Variants in COL23A1 observed in about 807,000 individuals in gnomAD.
The protein encoded by COL23A1 is collagen alpha-1(XXIII) chain.
COL23A1 carries 97 observed loss-of-function variants against 99.3 expected under a neutral mutation model. The observed-to-expected ratio is 0.98, with a 90% CI of 0.83 to 1.16. The LOEUF is 1.16. Ranked by LOEUF, COL23A1 falls within the 50% of genes most tolerant of loss-of-function variation. The probability of loss-of-function intolerance (pLI) is 0.00; values close to 1 mark genes in which losing one functional copy is unlikely to be tolerated. For synonymous variants in COL23A1, 320 were observed against 308.2 expected (o/e 1.04, Z -0.40); for missense variants, 762 against 757.4 (o/e 1.01, Z -0.07).
chr5:178,276,151 G>A (rs1581507422), intron 5 of COL23A1, among the ~76,000 whole-genome samples: 1 of 152,210 alleles, frequency 6.6e-6, no homozygotes, highest in Non-Finnish European at 1.5e-5. Flanking sequence ...CATCTGCCGG[G>A]AAAAGCCTGT....
At chr5:178,282,648 G>A in intron 5 of COL23A1, among the ~76,000 whole-genome samples, 1 of 152,226 alleles carries the variant, frequency 6.6e-6, no homozygotes, top group Non-Finnish European at 1.5e-5. Context: ...TTTCTCATCT[G>A]TCAGGTAGGG....
intron 18 of COL23A1, among the ~76,000 whole-genome samples, chr5:178,249,716 A>ACACACACACTCCCTCTCTCTCT: frequency 1.1e-5 from 1 of 92,752 alleles, no homozygotes; most frequent in East Asian, 4.2e-4. Flanking sequence ...ACACACACAC[A>ACACACACACTCCCTCTCTCTCT]CTCTCTCTCT....
At position 178,589,901 on chromosome 5, in the gene COL23A1, C is replaced by T; in HGVS notation, c.294+3G>A. 1 of 1,311,662 alleles carries T rather than the reference C, an allele frequency of 7.6e-7. No individual in the cohort carries two copies. The allele number at this position is 1,311,662 out of a possible 1,614,324, so 81.3% of individuals were successfully genotyped here. A position where few individuals can be genotyped will look rare whatever the true frequency, so the allele number is the denominator to read the frequency against. On this transcript the variant is annotated splice_donor_region_variant and intron_variant, in intron 1 of 28. Transcript: ENST00000390654. This position sits in a 1 kb window ranked among gnomAD's most constrained non-coding sequence, Gnocchi z 5.4. ...CGCCCCAGCCACGCGCCAAGACGCTCACCTCCCGCAGCAGGCGCTCCAGGT... is the reference window on the plus strand; with the variant it reads ...CGCCCCAGCCACGCGCCAAGACGCTTACCTCCCGCAGCAGGCGCTCCAGGT...
chr5:178,443,869 T>C (rs1767017845), intron 2 of COL23A1, among the ~76,000 whole-genome samples: 1 of 152,182 alleles, frequency 6.6e-6, no homozygotes, highest in African/African-American at 2.4e-5. Context: ...TGCTGTCATC[T>C]AACATATGGC....
chr5:178,518,220 C>T (rs982842067), intron 2 of COL23A1, among the ~76,000 whole-genome samples: 5 of 144,344 alleles, frequency 3.5e-5, no homozygotes, highest in African/African-American at 5.3e-5. Flanking sequence ...GGGGTAAGGT[C>T]ACAGATCAAC....
chr5:178,441,902 G>C (rs1766889245), intron 2 of COL23A1, among the ~76,000 whole-genome samples: 1 of 152,108 alleles, frequency 6.6e-6, no homozygotes, highest in Non-Finnish European at 1.5e-5. Flanking sequence ...AGGAGGACTG[G>C]GGTTTTGTGG....
intron 2 of COL23A1, among the ~76,000 whole-genome samples, chr5:178,441,427 A>C (rs1431399655): frequency 6.6e-6 from 1 of 152,156 alleles, no homozygotes; most frequent in Admixed American, 6.5e-5. Context: ...TAATTTGCAA[A>C]ATCAAAGTGT....
chr5:178,493,848 G>A (rs1758061727), intron 2 of COL23A1, among the ~76,000 whole-genome samples: 1 of 152,232 alleles, frequency 6.6e-6, no homozygotes, highest in South Asian at 2.1e-4. Flanking sequence ...GTCTTCTGCA[G>A]GGGAAACTAA....
At chr5:178,447,228 G>A (rs1364945343) in intron 2 of COL23A1, among the ~76,000 whole-genome samples, 1 of 151,960 alleles carries the variant, frequency 6.6e-6, no homozygotes, top group Non-Finnish European at 1.5e-5. Flanking sequence ...CGAGTAGCTG[G>A]GATTACAGGT....
At chr5:178,249,716 A>ACACACACACACACACACTCACTCTCT in intron 18 of COL23A1, among the ~76,000 whole-genome samples, 1 of 92,752 alleles carries the variant, frequency 1.1e-5, no homozygotes, top group African/African-American at 4.3e-5. Flanking sequence ...ACACACACAC[A>ACACACACACACACACACTCACTCTCT]CTCTCTCTCT....
chr5:178,397,075 G>C (rs1764189699), intron 2 of COL23A1, among the ~76,000 whole-genome samples: 1 of 152,226 alleles, frequency 6.6e-6, no homozygotes, highest in Non-Finnish European at 1.5e-5. Context: ...GACTCGGCTT[G>C]CTCCAAGCCT....
At chr5:178,270,096 G>T (rs1434881144) in intron 6 of COL23A1, among the ~76,000 whole-genome samples, 1 of 152,176 alleles carries the variant, frequency 6.6e-6, no homozygotes, top group African/African-American at 2.4e-5. Context: ...ATGAGAGAGG[G>T]GTTCATGTGC....
intron 3 of COL23A1, among the ~76,000 whole-genome samples, chr5:178,294,172 C>T (rs907762145): frequency 3.3e-5 from 5 of 152,112 alleles, no homozygotes; most frequent in Non-Finnish European, 7.4e-5. Context: ...CTGTCTTGTT[C>T]CTAAGACAAT....
intron 1 of COL23A1, among the ~76,000 whole-genome samples, chr5:178,577,100 G>C (rs1223826090): frequency 1.3e-5 from 2 of 152,046 alleles, no homozygotes; most frequent in Non-Finnish European, 2.9e-5. Context: ...CGCCCTGTGG[G>C]CCGAGGCCCC....
chr5:178,305,707 T>C (rs974273671), intron 3 of COL23A1, among the ~76,000 whole-genome samples: 65 of 151,456 alleles, frequency 4.3e-4, no homozygotes, highest in Admixed American at 2.0e-4. Context: ...GCTCAGAAGG[T>C]GGAGAGCCCT....
chr5:178,503,734 G>A (rs903245637), intron 2 of COL23A1, among the ~76,000 whole-genome samples: 1 of 151,962 alleles, frequency 6.6e-6, no homozygotes, highest in African/African-American at 2.4e-5. Flanking sequence ...AGGATATATG[G>A]GTGTTCTTTG....
Position 178,307,265 on chromosome 5 carries a change from G to A in COL23A1, c.362-346C>T, listed in dbSNP as rs1193410050. On this transcript the variant is annotated intron_variant, in intron 2 of 28. Coordinates refer to ENST00000390654, the MANE Select transcript of COL23A1 (RefSeq NM_173465.4). The surrounding 1 kb of genome is among the most constrained non-coding windows in gnomAD (Gnocchi z 4.2). ...CTGAGGCAGATGCGTTTGCAGCTGA[G>A]AAACTTCAGACTTAGGAGGAAAGTA... 6.6e-6 allele frequency among the ~76,000 whole-genome samples: 1 copy of A among 152,212 alleles called. No homozygotes were observed. The highest frequency in any genetic ancestry group is 1.5e-5 in the Non-Finnish European group (1 of 68,046).
chr5:178,256,566 G>C (rs1012865216), intron 14 of COL23A1, among the ~76,000 whole-genome samples, 169 bp from the exon 15 acceptor site: 2 of 152,250 alleles, frequency 1.3e-5, no homozygotes, highest in East Asian at 3.8e-4. Flanking sequence ...TCCTCCAGGG[G>C]CCTGCGAGAC....
chr5:178,400,251 C>A (rs959787311), intron 2 of COL23A1, among the ~76,000 whole-genome samples: 1 of 150,580 alleles, frequency 6.6e-6, no homozygotes, highest in African/African-American at 2.4e-5. Flanking sequence ...CCTGTAGCCA[C>A]AGCTACTGGG....
Sources: allele counts gnomAD v4.1 joint callset (sites outside exome capture counted in the v4.1 genomes callset), GRCh38; gene constraint gnomAD v4.1.1; non-coding constraint Gnocchi (gnomAD v3.1); transcripts MANE v1.5; gene names NCBI Gene and HGNC (gene_info 2026-07-23, HGNC 2026-07-21).